The following SPATA7 variants were observed in gnomAD, a reference collection of about 807,000 sequenced individuals.
SPATA7 encodes spermatogenesis associated 7, also known as spermatogenesis-associated protein 7.
In SPATA7, 43 loss-of-function variants were observed where a neutral mutation model predicts 51.8. The observed-to-expected ratio is 0.83, with a 90% confidence interval of 0.65 to 1.07. The LOEUF is 1.07. Ranked by LOEUF, SPATA7 falls within the 50% of genes least tolerant of loss-of-function variation. The probability of loss-of-function intolerance (pLI) is 0.00; values close to 1 mark genes in which losing one functional copy is unlikely to be tolerated. For missense variants in SPATA7, 683 were observed against 701.3 expected, an observed-to-expected ratio of 0.97 and a Z score of 0.30; for synonymous variants, 230 against 252.8, an observed-to-expected ratio of 0.91 and a Z score of 0.86.
intron 3 of SPATA7, among the ~76,000 whole-genome samples, chr14:88,447,228 C>T (rs1193412156): frequency 2.0e-5 from 3 of 150,248 alleles, no homozygotes; most frequent in Non-Finnish European, 4.4e-5. Context: ...GATCCCTTTA[C>T]CATTATGTAA....
intron 4 of SPATA7, among the ~76,000 whole-genome samples, chr14:88,410,163 T>A (rs536167529): frequency 1.3e-5 from 2 of 152,168 alleles, no homozygotes; most frequent in African/African-American, 4.8e-5. Context: ...TTCTGTCTTG[T>A]TGATCTCTTT....
At chr14:88,392,841 G>A (rs539487508) in intron 2 of SPATA7, among the ~76,000 whole-genome samples, 17 of 150,352 alleles carry the variant, frequency 1.1e-4, no homozygotes, top group South Asian at 4.1e-4. Context: ...TGAGGACCAA[G>A]GAGTTTAATG....
intron 3 of SPATA7, among the ~76,000 whole-genome samples, chr14:88,394,800 A>G (rs945395962): frequency 6.6e-6 from 1 of 152,160 alleles, no homozygotes; most frequent in Non-Finnish European, 1.5e-5. Context: ...CTTGGCGTTG[A>G]CAGTCCTTTT....
At chr14:88,468,203 A>C in intron 4 of SPATA7, 1 of 1,611,980 alleles carries the variant, frequency 6.2e-7, no homozygotes, top group Non-Finnish European at 8.5e-7. Context: ...ACTGGCAGAG[A>C]GTCTGCACCA....
At chr14:88,426,099 T>C (rs2076783097) in intron 5 of SPATA7, 133 bp from the exon 6 acceptor site, 3 of 684,452 alleles carry the variant, frequency 4.4e-6, no homozygotes, top group South Asian at 1.7e-5. Context: ...AGATAAAATA[T>C]TAACATCTTC....
intron 1 of SPATA7, among the ~76,000 whole-genome samples, chr14:88,386,602 G>T (rs572947781): frequency 6.6e-6 from 1 of 152,158 alleles, no homozygotes; most frequent in South Asian, 2.1e-4. Flanking sequence ...ATGTGGTGGG[G>T]TTGGGGGTGG....
At chr14:88,396,278 C>A in intron 4 of SPATA7, 75 bp downstream of exon 4, 2 of 1,086,258 alleles carry the variant, frequency 1.8e-6, no homozygotes, top group South Asian at 2.7e-5. Flanking sequence ...AATTTACTGT[C>A]TTAACCATTT....
At chr14:88,442,599 T>A (rs2077185220), downstream of SPATA7, among the ~76,000 whole-genome samples, 2 of 152,202 alleles carry the variant, frequency 1.3e-5, no homozygotes, top group Non-Finnish European at 2.9e-5. Flanking sequence ...ATTTATTGAT[T>A]TTCAGATGTT....
intron 7 of SPATA7, 122 bp downstream of exon 7, chr14:88,427,818 G>A: frequency 2.6e-6 from 2 of 760,860 alleles, no homozygotes; most frequent in Non-Finnish European, 4.6e-6. Flanking sequence ...TATCATACAT[G>A]ATATAGCCAG....
In SPATA7 at chr14:88,387,582, T is replaced by A. The variant is rs529289860; in HGVS notation, c.19+1745T>A. Among the ~76,000 whole-genome samples the A allele has an allele frequency of 3.9e-5, 6 of 152,242 alleles. No individual in the cohort carries two copies. The South Asian group carries it at 1.2e-3, about 32-fold the overall frequency. On this transcript the variant is annotated intron_variant, in intron 1 of 11. Transcript: ENST00000393545. The stretch of plus-strand genomic sequence containing the variant: ...AAATATTAAAACATCTAAAGAAAAA[T>A]TATCTTTTGTCATGCTCTTACTGTA...
intron 5 of SPATA7, among the ~76,000 whole-genome samples, chr14:88,424,796 G>C (rs2076742551): frequency 6.6e-6 from 1 of 152,078 alleles, no homozygotes; most frequent in African/African-American, 2.4e-5. Context: ...TACTTGCTTT[G>C]AGTAATGTTG....
chr14:88,462,864 A>G (rs1358854597), intron 4 of SPATA7, among the ~76,000 whole-genome samples: 1 of 152,188 alleles, frequency 6.6e-6, no homozygotes, highest in Non-Finnish European at 1.5e-5. Flanking sequence ...TTCAAACACA[A>G]TGATTCCTTT....
intron 4 of SPATA7, chr14:88,415,319 C>G: frequency 3.8e-6 from 1 of 262,692 alleles, no homozygotes; most frequent in Non-Finnish European, 8.2e-6. Context: ...CATCTTTGTC[C>G]TTATTGCTGT....
chr14:88,412,292 A>T (rs1241751339), intron 4 of SPATA7, among the ~76,000 whole-genome samples: 2 of 151,482 alleles, frequency 1.3e-5, no homozygotes, highest in Non-Finnish European at 2.9e-5. Context: ...GAACTAATGA[A>T]ATATATATAT....
chr14:88,463,801 ATGCAAACTTT>A (rs1445829636), intron 4 of SPATA7, among the ~76,000 whole-genome samples: 1 of 152,118 alleles, frequency 6.6e-6, no homozygotes, highest in Admixed American at 6.6e-5. Context: ...CCAAGTAGAC[ATGCAAACTTT>A]GATCTGAATT....
chr14:88,415,685 T>C (rs1218981234), intron 4 of SPATA7, among the ~76,000 whole-genome samples: 1 of 152,190 alleles, frequency 6.6e-6, no homozygotes, highest in East Asian at 1.9e-4. Context: ...ATTTGCTTTA[T>C]AGGATCTGTG....
chr14:88,422,273 G>A (rs1267593243), intron 5 of SPATA7, among the ~76,000 whole-genome samples: 1 of 152,108 alleles, frequency 6.6e-6, no homozygotes, highest in Non-Finnish European at 1.5e-5. Flanking sequence ...AGGGGAAGCA[G>A]TGAATATGAT....
chr14:88,431,183 A>C lies in SPATA7; in HGVS notation c.1040A>C (p.Gln347Pro), dbSNP rs1269279915. 1.2e-6 allele frequency: 2 copies of C among 1,613,750 alleles called. No individual in the cohort carries two copies. The highest frequency in any genetic ancestry group is 2.2e-5 in the East Asian group (1 of 44,814). The change falls in exon 9 of 12, where the codon CAG becomes CCG. Residue 347 changes from glutamine (Q) to proline (P), a missense_variant. Coordinates refer to ENST00000393545, the MANE Select transcript of SPATA7 (RefSeq NM_018418.5). ...CTTCCTCTTTCTAGGGCAATGTGTC[A>C]GTATTCCCTGAAGCCCCCTTCAACT... ...LQHSSPRAMC[Q>P]YSLKPPSTRK...
chr14:88,449,784 G>C (rs2077238910), intron 3 of SPATA7, among the ~76,000 whole-genome samples: 1 of 151,988 alleles, frequency 6.6e-6, no homozygotes, highest in Admixed American at 6.6e-5. Context: ...GATACATTTA[G>C]GATTGTGATA....
Sources: gnomAD v4.1 joint callset for allele counts (sites outside exome capture counted in the v4.1 genomes callset) on GRCh38, gnomAD v4.1.1 for gene constraint, MANE v1.5 for transcripts, NCBI Gene and HGNC (gene_info 2026-07-23, HGNC 2026-07-21) for gene names.